Variants in GRIN2A observed in about 807,000 individuals in gnomAD.
GRIN2A encodes glutamate receptor ionotropic, NMDA 2A.
A neutral mutation model predicts 113.4 loss-of-function variants in GRIN2A; 22 were observed. The observed-to-expected ratio is 0.19, with a 90% confidence interval of 0.14 to 0.28. The LOEUF (loss-of-function observed/expected upper bound fraction) is 0.28, where lower values mean the gene tolerates loss of function less well. Among genes scored for constraint, GRIN2A ranks in the 10% least tolerant of loss-of-function variants. The pLI, the probability that GRIN2A is intolerant of heterozygous loss-of-function variation, is 1.00. For missense variants in GRIN2A, 1,502 were observed against 1,887.0 expected, an observed-to-expected ratio of 0.80 and a Z score of 3.78; for synonymous variants, 827 against 738.4, an observed-to-expected ratio of 1.12 and a Z score of -1.94.
intron 3 of GRIN2A, among the ~76,000 whole-genome samples, chr16:9,935,774 C>G (rs1244204662): frequency 6.6e-6 from 1 of 152,152 alleles, no homozygotes; most frequent in East Asian, 1.9e-4. Flanking sequence ...CAGCTCACTG[C>G]AACCTCTGCC....
intron 9 of GRIN2A, among the ~76,000 whole-genome samples, chr16:9,826,595 G>C (rs568852359): frequency 6.6e-6 from 1 of 152,170 alleles, no homozygotes; most frequent in South Asian, 2.1e-4. Context: ...ATTCAATATT[G>C]ATTTTTTTTT....
intron 2 of GRIN2A, among the ~76,000 whole-genome samples, chr16:9,966,408 T>G (rs537663353): frequency 6.6e-6 from 1 of 152,320 alleles, no homozygotes; most frequent in African/African-American, 2.4e-5. Flanking sequence ...CTAAGGATAA[T>G]GGCCTCCAGC....
chr16:9,899,377 T>G (rs561648345), intron 3 of GRIN2A, among the ~76,000 whole-genome samples: 4 of 133,702 alleles, frequency 3.0e-5, no homozygotes, highest in African/African-American at 1.2e-4. Context: ...GAGGTGGAGG[T>G]TGTGGTGAGT....
intron 3 of GRIN2A, among the ~76,000 whole-genome samples, chr16:9,924,327 T>C (rs2044415550): frequency 6.6e-6 from 1 of 152,208 alleles, no homozygotes; most frequent in African/African-American, 2.4e-5. Context: ...ATTTTCACTG[T>C]GGAAAGATAT....
intron 2 of GRIN2A, among the ~76,000 whole-genome samples, chr16:9,963,781 T>C (rs2045493056): frequency 6.6e-6 from 1 of 152,246 alleles, no homozygotes; most frequent in African/African-American, 2.4e-5. Context: ...AACAGATATT[T>C]ACTATATAGC....
intron 2 of GRIN2A, among the ~76,000 whole-genome samples, chr16:10,166,163 G>A (rs369529423): frequency 2.6e-5 from 4 of 152,168 alleles, no homozygotes; most frequent in Admixed American, 2.0e-4. Context: ...CTAGCAAGAC[G>A]ATATGGATTT....
intron 11 of GRIN2A, among the ~76,000 whole-genome samples, chr16:9,774,756 A>G (rs1901494593): frequency 6.6e-6 from 1 of 152,234 alleles, no homozygotes; most frequent in South Asian, 2.1e-4. Flanking sequence ...TTAGAATTAA[A>G]CGATGTTGCA....
intron 2 of GRIN2A, among the ~76,000 whole-genome samples, chr16:9,942,871 A>G (rs976609252): frequency 1.1e-4 from 17 of 152,274 alleles, no homozygotes; most frequent in African/African-American, 4.1e-4. Flanking sequence ...AAAAACCACC[A>G]TGGACCAAAA....
intron 2 of GRIN2A, among the ~76,000 whole-genome samples, chr16:9,963,688 C>G (rs1230200825): frequency 6.6e-6 from 1 of 152,100 alleles, no homozygotes; most frequent in African/African-American, 2.4e-5. Context: ...AAACAAAAGG[C>G]TTTTAGATAA....
chr16:10,088,882 G>A (rs1490332124), intron 2 of GRIN2A, among the ~76,000 whole-genome samples: 3 of 151,550 alleles, frequency 2.0e-5, no homozygotes, highest in Non-Finnish European at 4.4e-5. Flanking sequence ...CAAGGGAAGA[G>A]CTTCATTCAC....
At chr16:9,939,347 C>G (rs955916223) in intron 2 of GRIN2A, among the ~76,000 whole-genome samples, 1 of 152,090 alleles carries the variant, frequency 6.6e-6, no homozygotes, top group African/African-American at 2.4e-5. Context: ...CATCATGGCA[C>G]CGAAAGGAGG....
intron 2 of GRIN2A, among the ~76,000 whole-genome samples, chr16:10,117,081 C>G (rs2142166603): frequency 6.6e-6 from 1 of 151,058 alleles, no homozygotes; most frequent in East Asian, 1.9e-4. Flanking sequence ...AAAAAAGTAG[C>G]TAAGCTTACT....
chr16:10,076,675 T>C (rs2047879163), intron 2 of GRIN2A, among the ~76,000 whole-genome samples: 1 of 152,142 alleles, frequency 6.6e-6, no homozygotes, highest in South Asian at 2.1e-4. Flanking sequence ...CAGCTCATAG[T>C]CTGGAGGAGA....
chr16:10,032,821 G>A (rs1054714206), intron 2 of GRIN2A, among the ~76,000 whole-genome samples: 1 of 152,164 alleles, frequency 6.6e-6, no homozygotes, highest in Non-Finnish European at 1.5e-5. Flanking sequence ...ACTCCCAGCT[G>A]CAACTCCTAA....
At chr16:9,989,892 G>C (rs915447572) in intron 2 of GRIN2A, among the ~76,000 whole-genome samples, 2 of 152,082 alleles carry the variant, frequency 1.3e-5, no homozygotes, top group Admixed American at 1.3e-4. Context: ...AACAAATGTT[G>C]GCAAGGTTGC....
At chr16:9,767,577 A>G (rs1900997587) in intron 12 of GRIN2A, among the ~76,000 whole-genome samples, 1 of 151,320 alleles carries the variant, frequency 6.6e-6, no homozygotes, top group Non-Finnish European at 1.5e-5. Flanking sequence ...CAAAAAAACA[A>G]ACAAAAACAA....
intron 2 of GRIN2A, among the ~76,000 whole-genome samples, chr16:9,993,314 C>T (rs1432470991): frequency 6.6e-6 from 1 of 152,038 alleles, no homozygotes; most frequent in Non-Finnish European, 1.5e-5. Flanking sequence ...TTTTGGGAGG[C>T]TGAGGCAGGA....
At chr16:10,169,161 T>A (rs1596574298) in intron 2 of GRIN2A, among the ~76,000 whole-genome samples, 1 of 152,108 alleles carries the variant, frequency 6.6e-6, no homozygotes, top group East Asian at 1.9e-4. Flanking sequence ...CCCTAAATAC[T>A]TCTTCTGAAA....
chr16:9,881,213 T>G (rs2043474742), intron 4 of GRIN2A, among the ~76,000 whole-genome samples: 1 of 152,248 alleles, frequency 6.6e-6, no homozygotes, highest in Non-Finnish European at 1.5e-5. Flanking sequence ...CTTGTTATTC[T>G]CTCATTTGCC....
Sources: allele counts gnomAD v4.1 joint callset (sites outside exome capture counted in the v4.1 genomes callset), GRCh38; gene constraint gnomAD v4.1.1; transcripts MANE v1.5; gene names NCBI Gene and HGNC (gene_info 2026-07-23, HGNC 2026-07-21).